Variants in RHOBTB1 observed in about 807,000 individuals in gnomAD.
RHOBTB1 encodes the protein Rho related BTB domain containing 1.
Under a neutral mutation model 71.6 loss-of-function variants are expected in RHOBTB1, and 40 were observed. That is an observed-to-expected ratio of 0.56 (90% CI 0.43 to 0.73). The LOEUF (loss-of-function observed/expected upper bound fraction) is 0.73, where lower values mean the gene tolerates loss of function less well. Among genes scored for constraint, RHOBTB1 ranks in the 30% least tolerant of loss-of-function variants. The probability of loss-of-function intolerance (pLI) is 0.00; values close to 1 mark genes in which losing one functional copy is unlikely to be tolerated. For missense variants in RHOBTB1, 797 were observed against 894.0 expected, an observed-to-expected ratio of 0.89 and a Z score of 1.38; for synonymous variants, 319 against 334.9, an observed-to-expected ratio of 0.95 and a Z score of 0.52.
chr10:60,862,556 T>C, the RHOBTB1 span, among the ~76,000 whole-genome samples: 3 of 152,090 alleles, frequency 2.0e-5, no homozygotes, highest in Admixed American at 2.0e-4. Flanking sequence ...CTTTCTTTCC[T>C]TTCTTCTTTC....
intron 2 of RHOBTB1, among the ~76,000 whole-genome samples, chr10:60,974,444 T>C (rs1001671492): frequency 1.3e-5 from 2 of 152,098 alleles, no homozygotes; most frequent in Admixed American, 6.6e-5. Flanking sequence ...AAGTTCACTA[T>C]GAACAAAATG....
chr10:60,971,250 G>A (rs556795484), intron 2 of RHOBTB1, among the ~76,000 whole-genome samples: 60 of 151,884 alleles, frequency 4.0e-4, no homozygotes, highest in African/African-American at 1.2e-3. Context: ...AATCCTAAGC[G>A]AAAAGAACAA....
chr10:60,889,727 G>T (rs1438773599), intron 5 of RHOBTB1, among the ~76,000 whole-genome samples: 1 of 152,122 alleles, frequency 6.6e-6, no homozygotes, highest in African/African-American at 2.4e-5. Flanking sequence ...TCTTGGGTAA[G>T]TTACTTAACC....
At chr10:61,000,112 T>G (rs2087205113) in intron 1 of RHOBTB1, among the ~76,000 whole-genome samples, 1 of 152,210 alleles carries the variant, frequency 6.6e-6, no homozygotes, top group Non-Finnish European at 1.5e-5. Flanking sequence ...TCAGGAAGCA[T>G]TTTACAAATC....
chr10:60,884,552 C>T (rs1454199503), intron 7 of RHOBTB1, among the ~76,000 whole-genome samples: 2 of 152,292 alleles, frequency 1.3e-5, no homozygotes, highest in Middle Eastern at 6.8e-3. Flanking sequence ...AACTGTAGCA[C>T]TATTCACAAT....
chr10:60,978,281 A>G (rs2086380303), intron 2 of RHOBTB1, among the ~76,000 whole-genome samples: 1 of 152,142 alleles, frequency 6.6e-6, no homozygotes, highest in Admixed American at 6.6e-5. Context: ...TTAGTGGCTT[A>G]TTCCTACCGT....
chr10:60,973,090 A>AT (rs201244986), intron 2 of RHOBTB1, among the ~76,000 whole-genome samples: 5 of 151,610 alleles, frequency 3.3e-5, no homozygotes, highest in African/African-American at 7.3e-5. Context: ...ATGTCTGTTA[A>AT]TTTTTTTTTA....
Position 60,981,707 on chromosome 10 carries a change from A to G in RHOBTB1, c.-62+4138T>C, listed in dbSNP as rs553630984. 3.9e-5 allele frequency among the ~76,000 whole-genome samples: 6 copies of G among 152,340 alleles called. No individual in the cohort carries two copies. In the East Asian group the frequency reaches 1.2e-3, roughly 29 times the overall value. On this transcript the variant is annotated intron_variant, in intron 2 of 11. Transcript: ENST00000357917. ...TTTTATAAAGTAAAACATGACAATC[A>G]GGAGACTCCTGATGCATTACTAACA...
chr10:60,982,775 A>C (rs1422112474), intron 2 of RHOBTB1, among the ~76,000 whole-genome samples: 2 of 152,156 alleles, frequency 1.3e-5, no homozygotes, highest in African/African-American at 4.8e-5. Flanking sequence ...TGCCTTTCTC[A>C]CACATAGTAA....
intron 2 of RHOBTB1, among the ~76,000 whole-genome samples, chr10:60,925,740 C>A (rs2083840112): frequency 6.6e-6 from 1 of 152,052 alleles, no homozygotes; most frequent in Non-Finnish European, 1.5e-5. Context: ...ACAACTGATA[C>A]TGCTGAAATT....
intron 2 of RHOBTB1, among the ~76,000 whole-genome samples, chr10:60,967,700 A>C (rs1230041307): frequency 6.6e-6 from 1 of 152,154 alleles, no homozygotes; most frequent in African/African-American, 2.4e-5. Flanking sequence ...AAATGCCTTC[A>C]GGGGTGAGAG....
At chr10:60,943,276 A>G (rs2085015069) in intron 1 of RHOBTB1, among the ~76,000 whole-genome samples, 1 of 152,256 alleles carries the variant, frequency 6.6e-6, no homozygotes, top group South Asian at 2.1e-4. Context: ...GAAACGGTGC[A>G]GCTAACAGTA....
chr10:60,871,762 A>C, intron 10 of RHOBTB1, 111 bp from the exon 11 acceptor site: 1 of 1,016,390 alleles, frequency 9.8e-7, no homozygotes, highest in Admixed American at 2.6e-5. Flanking sequence ...GTGATGCGGC[A>C]GAGACTGTGA....
chr10:60,937,947 G>A (rs4542350), intron 2 of RHOBTB1, among the ~76,000 whole-genome samples: 2 of 152,116 alleles, frequency 1.3e-5, no homozygotes, highest in Non-Finnish European at 2.9e-5. Context: ...ACCCTCTGAG[G>A]GGGGAGGGGA....
chr10:60,991,355 T>C (rs1463197968), intron 1 of RHOBTB1, among the ~76,000 whole-genome samples: 1 of 151,990 alleles, frequency 6.6e-6, no homozygotes, highest in Non-Finnish European at 1.5e-5. Context: ...CCCTTGGTGA[T>C]GGACCTGATG....
chr10:60,976,434 C>T (rs1420838903), intron 2 of RHOBTB1, among the ~76,000 whole-genome samples: 1 of 151,996 alleles, frequency 6.6e-6, no homozygotes, highest in East Asian at 1.9e-4. Context: ...CCAATGCCCA[C>T]TCACAGGTCA....
intron 2 of RHOBTB1, among the ~76,000 whole-genome samples, chr10:60,941,060 G>T (rs2084877063): frequency 6.6e-6 from 1 of 152,128 alleles, no homozygotes; most frequent in Non-Finnish European, 1.5e-5. Context: ...TAAGAGAATA[G>T]AATTTATTAT....
At chr10:60,893,703 A>G (rs1027628889) in intron 4 of RHOBTB1, among the ~76,000 whole-genome samples, 6 of 152,360 alleles carry the variant, frequency 3.9e-5, no homozygotes, top group African/African-American at 1.2e-4. Flanking sequence ...GTTACATGAG[A>G]TACAAAGCAG....
the RHOBTB1 span, among the ~76,000 whole-genome samples, chr10:60,862,133 TTC>T: frequency 4.1e-5 from 6 of 144,848 alleles, no homozygotes; most frequent in Non-Finnish European, 7.5e-5. Flanking sequence ...CTCTCTCTCC[TTC>T]TCTCTCTCTC....
Sources: allele counts gnomAD v4.1 joint callset (sites outside exome capture counted in the v4.1 genomes callset), GRCh38; gene constraint gnomAD v4.1.1; transcripts MANE v1.5; gene names NCBI Gene and HGNC (gene_info 2026-07-23, HGNC 2026-07-21).